The following C8orf34 variants were observed in gnomAD, a reference collection of about 807,000 sequenced individuals.
The protein encoded by C8orf34 is uncharacterized protein C8orf34.
C8orf34 carries 65 observed loss-of-function variants against 68.3 expected under a neutral mutation model. That is an observed-to-expected ratio of 0.95 (90% confidence interval 0.78 to 1.17). C8orf34 has a LOEUF of 1.17. Among genes scored for constraint, C8orf34 ranks in the 50% most tolerant of loss-of-function variants. The pLI is 0.00. For synonymous variants in C8orf34, 244 were observed against 241.2 expected (o/e 1.01, Z -0.11); for missense variants, 664 against 655.4 (o/e 1.01, Z -0.14).
intron 3 of C8orf34, among the ~76,000 whole-genome samples, chr8:68,453,476 C>T (rs550030268): frequency 2.0e-5 from 3 of 152,056 alleles, no homozygotes; most frequent in East Asian, 1.9e-4. Flanking sequence ...TTTTGGTGTA[C>T]AAGACTGGCA....
chr8:68,516,638 A>ATTTATTTATTT (rs955227220), intron 5 of C8orf34, among the ~76,000 whole-genome samples: 5 of 151,074 alleles, frequency 3.3e-5, no homozygotes, highest in Non-Finnish European at 5.9e-5. Context: ...TTATTTATTT[A>ATTTATTTATTT]TTTATTTATT....
intron 7 of C8orf34, among the ~76,000 whole-genome samples, chr8:68,540,329 A>G (rs1815651672): frequency 6.7e-6 from 1 of 150,320 alleles, no homozygotes; most frequent in South Asian, 2.1e-4. Flanking sequence ...TCTAGTATGA[A>G]CTTAAAATTT....
At chr8:68,498,374 T>C (rs565005056) in intron 5 of C8orf34, among the ~76,000 whole-genome samples, 7 of 152,212 alleles carry the variant, frequency 4.6e-5, no homozygotes, top group Non-Finnish European at 1.0e-4. Flanking sequence ...AAAACAGTAA[T>C]TTATTATTAT....
At chr8:68,495,151 T>C (rs1002964793) in intron 5 of C8orf34, among the ~76,000 whole-genome samples, 1 of 151,676 alleles carries the variant, frequency 6.6e-6, no homozygotes, top group Non-Finnish European at 1.5e-5. Context: ...CTTAGAGCAA[T>C]AGGCAGTCTG....
At chr8:68,389,221 G>C (rs1808381555) in intron 1 of C8orf34, among the ~76,000 whole-genome samples, 1 of 152,106 alleles carries the variant, frequency 6.6e-6, no homozygotes, top group Admixed American at 6.6e-5. Flanking sequence ...AGCACAGTAA[G>C]TGGGCAATTA....
chr8:68,744,057 C>T (rs1194708581), intron 10 of C8orf34, among the ~76,000 whole-genome samples: 2 of 152,184 alleles, frequency 1.3e-5, no homozygotes. Context: ...AGACTGCCTC[C>T]TCAAGTGGGT....
chr8:68,422,106 T>C (rs1335429649), intron 1 of C8orf34, among the ~76,000 whole-genome samples: 2 of 152,142 alleles, frequency 1.3e-5, no homozygotes, highest in African/African-American at 2.4e-5. Flanking sequence ...AGCCAAACCA[T>C]GTCATTCTGC....
Position 68,815,907 on chromosome 8 carries a change from G to A in C8orf34, c.1571G>A (p.Cys524Tyr). The stretch of plus-strand genomic sequence containing the variant: ...GCAGGTTCCGCTGATCTTCTTCTTT[G>A]CGTTCCATGCTCTTCTTGTCCTACG... ...QEKRSADLLL[C>Y]VPCSSCPTLV... Residue 524 changes from cysteine (C) to tyrosine (Y), a missense_variant, in exon 13 of 14, where the codon TGC becomes TAC. Transcript: ENST00000518698. The A allele has an allele frequency of 5.0e-6, 8 of 1,613,702 alleles. No homozygotes were observed. Among genetic ancestry groups the A allele is most frequent in the Non-Finnish European group, 5.9e-6 (7 of 1,179,788 alleles).
chr8:68,648,643 G>A (rs529380392), intron 8 of C8orf34, among the ~76,000 whole-genome samples: 2 of 152,228 alleles, frequency 1.3e-5, no homozygotes, highest in East Asian at 3.9e-4. Flanking sequence ...CACAAAAAAG[G>A]GAGCCGAAAG....
chr8:68,519,096 G>T (rs571873458), intron 5 of C8orf34, among the ~76,000 whole-genome samples: 11 of 152,148 alleles, frequency 7.2e-5, no homozygotes, highest in Non-Finnish European at 1.5e-4. Flanking sequence ...AAAAGACACA[G>T]ATCTAAGGCT....
intron 10 of C8orf34, among the ~76,000 whole-genome samples, chr8:68,731,078 A>C (rs1821964491): frequency 6.6e-6 from 1 of 152,172 alleles, no homozygotes; most frequent in South Asian, 2.1e-4. Context: ...TGACTTGTGC[A>C]GGATGTGTGC....
chr8:68,666,668 G>C (rs1249484960), intron 8 of C8orf34, among the ~76,000 whole-genome samples: 2 of 152,054 alleles, frequency 1.3e-5, no homozygotes, highest in African/African-American at 4.8e-5. Context: ...CTGCAGAACT[G>C]TTTTTGTCTC....
intron 8 of C8orf34, among the ~76,000 whole-genome samples, chr8:68,675,799 A>G (rs1179471875): frequency 2.0e-5 from 3 of 152,210 alleles, no homozygotes; most frequent in Non-Finnish European, 4.4e-5. Flanking sequence ...AAGATATCCA[A>G]TTGCTGAATG....
chr8:68,703,582 T>C (rs540071006), intron 8 of C8orf34, among the ~76,000 whole-genome samples: 11 of 152,236 alleles, frequency 7.2e-5, no homozygotes, highest in Admixed American at 7.2e-4. Context: ...AATCATTCAA[T>C]ACATATATAT....
At chr8:68,362,788 T>C (rs1244289371) in intron 1 of C8orf34, among the ~76,000 whole-genome samples, 1 of 149,106 alleles carries the variant, frequency 6.7e-6, no homozygotes, top group Admixed American at 6.7e-5. Context: ...ACCACAAAGA[T>C]GGGGAAAAAA....
Position 68,468,709 on chromosome 8 carries a change from C to G in C8orf34, c.625C>G (p.His209Asp). Residue 209 changes from histidine (H) to aspartate (D), a missense_variant, in exon 4 of 14, where the codon CAT (histidine) becomes GAT (aspartate). By Grantham distance (81) the His-to-Asp change is moderately conservative (BLOSUM62 -1). Transcript: ENST00000518698. ...AAACATAGTGCCAAGGTCAGTAGAG[C>G]ATCCAAAGTGGAACTGGAGGACTAA... is the stretch of plus-strand genomic sequence containing the variant. ...DSKSLPRSVE[H>D]PKWNWRTKPQ... 6.2e-7 allele frequency: 1 copy of G among 1,612,530 alleles called. No homozygotes were observed. The highest frequency in any genetic ancestry group is 2.2e-5 in the East Asian group (1 of 44,818).
chr8:68,750,571 T>G (rs1401092274), intron 10 of C8orf34, among the ~76,000 whole-genome samples: 4 of 152,166 alleles, frequency 2.6e-5, no homozygotes, highest in Non-Finnish European at 4.4e-5. Context: ...CCTAATGCCA[T>G]TCAATCTTAA....
At chr8:68,672,608 T>A (rs1820048861) in intron 8 of C8orf34, among the ~76,000 whole-genome samples, 1 of 152,102 alleles carries the variant, frequency 6.6e-6, no homozygotes, top group African/African-American at 2.4e-5. Context: ...TCATACCAGC[T>A]ATCAGAACCT....
At chr8:68,579,673 C>G (rs1817004342) in intron 7 of C8orf34, among the ~76,000 whole-genome samples, 1 of 152,190 alleles carries the variant, frequency 6.6e-6, no homozygotes, top group Admixed American at 6.5e-5. Flanking sequence ...GCTAAATCTG[C>G]ACACTTTCAT....
Sources: gnomAD v4.1 joint callset for allele counts (sites outside exome capture counted in the v4.1 genomes callset) on GRCh38, gnomAD v4.1.1 for gene constraint, MANE v1.5 for transcripts, NCBI Gene and HGNC (gene_info 2026-07-23, HGNC 2026-07-21) for gene names.